HOMER1: variants seen among roughly 807,000 people sequenced by gnomAD.
HOMER1 encodes homer scaffold protein 1, also known as homer protein homolog 1.
HOMER1 carries 3 observed loss-of-function variants against 48.9 expected under a neutral mutation model. That is an observed-to-expected ratio of 0.06 (90% CI 0.03 to 0.16). The LOEUF is 0.16. HOMER1 is among the 10% of genes least tolerant of loss of function. The probability of loss-of-function intolerance (pLI) is 1.00; values close to 1 mark genes in which losing one functional copy is unlikely to be tolerated. For missense variants in HOMER1, 247 were observed against 411.4 expected (o/e 0.60, Z 3.46); for synonymous variants, 134 against 146.4 (o/e 0.92, Z 0.61).
At chr5:79,418,578 T>C (rs1750007991) in intron 5 of HOMER1, among the ~76,000 whole-genome samples, 2 of 152,204 alleles carry the variant, frequency 1.3e-5, no homozygotes, top group Admixed American at 1.3e-4. Context: ...ACACCCTCTT[T>C]TGTAATCTGT....
intron 1 of HOMER1, among the ~76,000 whole-genome samples, chr5:79,490,777 AAAAC>A (rs1279165782): frequency 1.8e-4 from 26 of 147,154 alleles, no homozygotes; most frequent in Admixed American, 1.4e-3. Flanking sequence ...ACCAAAAAAA[AAAAC>A]AAAAAAAAAA....
At chr5:79,479,686 T>C (rs1340422467) in intron 1 of HOMER1, among the ~76,000 whole-genome samples, 1 of 151,180 alleles carries the variant, frequency 6.6e-6, no homozygotes, top group Non-Finnish European at 1.5e-5. Flanking sequence ...ACGTGTGTTG[T>C]TTTAAGCCAC....
intron 1 of HOMER1, among the ~76,000 whole-genome samples, chr5:79,468,070 C>A (rs1489073606): frequency 6.6e-6 from 1 of 152,126 alleles, no homozygotes. Flanking sequence ...GCCACCATGC[C>A]CAGCCTAGGT....
At chr5:79,493,895 T>C (rs1377957568) in intron 1 of HOMER1, among the ~76,000 whole-genome samples, 1 of 152,206 alleles carries the variant, frequency 6.6e-6, no homozygotes, top group East Asian at 1.9e-4. Flanking sequence ...ACATTTCTAG[T>C]GTCTGCTCCT....
chr5:79,504,856 C>T (rs1196626007), intron 1 of HOMER1, among the ~76,000 whole-genome samples: 1 of 152,160 alleles, frequency 6.6e-6, no homozygotes, highest in Non-Finnish European at 1.5e-5. Context: ...AGCACTAATT[C>T]CCCCAAATCC....
intron 5 of HOMER1, among the ~76,000 whole-genome samples, chr5:79,434,662 C>T (rs529957817): frequency 7.9e-5 from 12 of 152,196 alleles, no homozygotes; most frequent in South Asian, 4.1e-4. Flanking sequence ...CTTTTTTACA[C>T]GTCTCTAAAC....
intron 2 of HOMER1, 38 bp downstream of exon 2, chr5:79,456,824 C>G: frequency 1.3e-6 from 2 of 1,588,318 alleles, no homozygotes; most frequent in Non-Finnish European, 1.7e-6. Context: ...CTGAAAAAAG[C>G]AAAACCAGCC....
chr5:79,506,967 A>G (rs1752790333), intron 1 of HOMER1, among the ~76,000 whole-genome samples: 1 of 152,028 alleles, frequency 6.6e-6, no homozygotes, highest in Admixed American at 6.5e-5. Flanking sequence ...TAATCCCAGC[A>G]CTTTGGGAGG....
At chr5:79,485,077 T>TAAAACAAAAC (rs70975755) in intron 1 of HOMER1, among the ~76,000 whole-genome samples, 8,815 of 149,354 alleles carry the variant, frequency 0.059, 538 homozygotes, top group African/African-American at 0.16. Flanking sequence ...GTGTCAAAAG[T>TAAAACAAAAC]AAAACAAAAC....
chr5:79,402,167 TC>T, intron 5 of HOMER1, 112 bp from the exon 6 acceptor site: 5 of 907,808 alleles, frequency 5.5e-6, no homozygotes, highest in East Asian at 2.8e-5. Context: ...TGTTTTCTTT[TC>T]TTTTTTTTTT....
Position 79,456,887 on chromosome 5 carries a change from C to T in HOMER1, c.137G>A (p.Arg46Lys). Residue 46 changes from arginine to lysine, a missense_variant, in exon 2 of 9, where the codon AGG becomes AAG. This residue lies in a region of HOMER1 where 38 missense variants were observed against 114.9 expected (regional missense o/e 0.33). Coordinates refer to ENST00000334082, the MANE Select transcript of HOMER1 (RefSeq NM_004272.5). The stretch of plus-strand genomic sequence containing the variant: ...CTTTGAGCCATCTAAACTGATTATC[C>T]TATACACATTTCTTGTGCTGTCATA... ...YFYDSTRNVY[R>K]IISLDGSKAI... 6.2e-7 allele frequency: 1 copy of T among 1,614,076 alleles called. No individual in the cohort carries two copies. Among genetic ancestry groups the T allele is most frequent in the Non-Finnish European group, 8.5e-7 (1 of 1,179,976 alleles).
At chr5:79,503,512 G>A (rs1171503595) in intron 1 of HOMER1, among the ~76,000 whole-genome samples, 36 of 130,976 alleles carry the variant, frequency 2.7e-4, no homozygotes, top group Middle Eastern at 4.6e-3. Context: ...CTGGGTGACA[G>A]AGTGAGACTC....
At chr5:79,491,279 C>T (rs1057446622) in intron 1 of HOMER1, among the ~76,000 whole-genome samples, 1 of 150,180 alleles carries the variant, frequency 6.7e-6, no homozygotes, top group African/African-American at 2.4e-5. Context: ...AAAAAATAGC[C>T]GGGCACAGTG....
intron 1 of HOMER1, among the ~76,000 whole-genome samples, chr5:79,466,419 G>A (rs1751465480): frequency 6.6e-6 from 1 of 151,896 alleles, no homozygotes; most frequent in African/African-American, 2.4e-5. Context: ...GATCACCTGA[G>A]CCAGGTAAGT....
chr5:79,506,595 C>A (rs886498848), intron 1 of HOMER1, among the ~76,000 whole-genome samples: 2 of 152,146 alleles, frequency 1.3e-5, no homozygotes, highest in Non-Finnish European at 2.9e-5. Flanking sequence ...GGCGTGATGG[C>A]TCACAGCAAG....
intron 5 of HOMER1, among the ~76,000 whole-genome samples, chr5:79,424,928 C>T (rs1580441958): frequency 6.6e-6 from 1 of 152,028 alleles, no homozygotes; most frequent in East Asian, 1.9e-4. Flanking sequence ...GGATGCCACG[C>T]CAAGTCATTC....
At chr5:79,477,614 T>C (rs73122396) in intron 1 of HOMER1, among the ~76,000 whole-genome samples, 11,959 of 152,276 alleles carry the variant, frequency 0.079, 1,047 homozygotes, top group East Asian at 0.24. Context: ...GAGTAATCGA[T>C]ACAACTAATC....
intron 1 of HOMER1, among the ~76,000 whole-genome samples, chr5:79,478,389 T>C (rs1751844851): frequency 6.6e-6 from 1 of 152,170 alleles, no homozygotes; most frequent in Non-Finnish European, 1.5e-5. Context: ...AGAATTTAGT[T>C]AGAAATATAA....
chr5:79,379,125 ATATT>A (rs1434592879), intron 8 of HOMER1, among the ~76,000 whole-genome samples: 9 of 99,032 alleles, frequency 9.1e-5, no homozygotes, highest in Admixed American at 2.5e-4. Flanking sequence ...AAATATATAA[ATATT>A]TATTTATATA....
Sources: allele counts gnomAD v4.1 joint callset (sites outside exome capture counted in the v4.1 genomes callset), GRCh38; gene constraint gnomAD v4.1.1; regional missense constraint gnomAD v4.1.1; transcripts MANE v1.5; gene names NCBI Gene and HGNC (gene_info 2026-07-23, HGNC 2026-07-21).